MRO: variants seen among roughly 807,000 people sequenced by gnomAD.
MRO encodes protein maestro.
In MRO, 28 loss-of-function variants were observed where a neutral mutation model predicts 31.0. The observed-to-expected ratio is 0.90, with a 90% CI of 0.67 to 1.24. MRO has a LOEUF of 1.24. Ranked by LOEUF, MRO falls within the 50% of genes most tolerant of loss-of-function variation. The pLI is 0.00. For missense variants in MRO, 332 were observed against 289.2 expected, an observed-to-expected ratio of 1.15 and a Z score of -1.07; for synonymous variants, 108 against 108.4, an observed-to-expected ratio of 1.00 and a Z score of 0.02.
At chr18:50,807,434 C>T (rs1914052532) in intron 3 of MRO, among the ~76,000 whole-genome samples, 2 of 152,210 alleles carry the variant, frequency 1.3e-5, no homozygotes, top group South Asian at 4.1e-4. Flanking sequence ...CTTACTCAAC[C>T]TCTCAATAGC....
chr18:50,822,870 G>A (rs940171239), upstream of MRO, among the ~76,000 whole-genome samples: 17 of 152,190 alleles, frequency 1.1e-4, no homozygotes, highest in Admixed American at 1.0e-3. Context: ...TGCTCGGCAG[G>A]TGGGACCAAC....
At chr18:50,815,958 C>T (rs558999386) in intron 2 of MRO, among the ~76,000 whole-genome samples, 53 of 152,132 alleles carry the variant, frequency 3.5e-4, no homozygotes, top group Non-Finnish European at 5.9e-4. Context: ...CGCTTGAACC[C>T]GGGAGGCAGA....
intron 5 of MRO, among the ~76,000 whole-genome samples, chr18:50,803,434 G>A (rs1355804010): frequency 6.6e-6 from 1 of 152,006 alleles, no homozygotes; most frequent in African/African-American, 2.4e-5. Flanking sequence ...TTGAGCCTGG[G>A]AGGTTGAGGC....
At chr18:50,822,337 G>GTTTAT (rs1056036680), upstream of MRO, among the ~76,000 whole-genome samples, 5 of 88,958 alleles carry the variant, frequency 5.6e-5, no homozygotes, top group Admixed American at 4.3e-4. Flanking sequence ...ATCTTTTTTA[G>GTTTAT]TTTATTTTAT....
In MRO at chr18:50,806,552, C is replaced by G. The variant is rs542527015; in HGVS notation, c.246+152G>C. 4 of 910,208 alleles carry G rather than the reference C, an allele frequency of 4.4e-6. No individual in the cohort carries two copies. In the African/African-American group the frequency reaches 6.6e-5, roughly 15 times the overall value. 56.4% of individuals were successfully genotyped at this position (910,208 alleles called of 1,614,324 possible). A position where few individuals can be genotyped will look rare whatever the true frequency, so the allele number is the denominator to read the frequency against. ...CCGCGAAAACCCGAGATAATCAACA[C>G]GTGTTGCTGTAAGCTGCTAAGTGTG... On this transcript the variant is annotated intron_variant, in intron 4 of 7. Coordinates refer to ENST00000398439, the MANE Select transcript of MRO (RefSeq NM_031939.6).
At chr18:50,813,408 G>A (rs768017767) in intron 2 of MRO, among the ~76,000 whole-genome samples, 37 of 152,224 alleles carry the variant, frequency 2.4e-4, no homozygotes, top group Non-Finnish European at 4.4e-4. Context: ...ATTCCCACAG[G>A]CTTCCTCATT....
At chr18:50,807,098 G>A (rs1914019361) in intron 3 of MRO, among the ~76,000 whole-genome samples, 1 of 152,104 alleles carries the variant, frequency 6.6e-6, no homozygotes, top group Non-Finnish European at 1.5e-5. Flanking sequence ...GGAGATTAAG[G>A]GGAGAGGCTC....
At chr18:50,823,811 C>T (rs1194263818), upstream of MRO, 3 of 204,840 alleles carry the variant, frequency 1.5e-5, no homozygotes, top group East Asian at 3.4e-4. Flanking sequence ...TGGGGCTGGA[C>T]ACAGGATTGG....
chr18:50,824,303 A>G (rs1915418828), upstream of MRO, among the ~76,000 whole-genome samples: 1 of 152,166 alleles, frequency 6.6e-6, no homozygotes, highest in East Asian at 1.9e-4. Flanking sequence ...TACCCAGGCA[A>G]GGTGGCATGT....
chr18:50,818,404 T>C (rs1403433213), intron 2 of MRO, among the ~76,000 whole-genome samples: 1 of 152,174 alleles, frequency 6.6e-6, no homozygotes, highest in Non-Finnish European at 1.5e-5. Context: ...CTCTGGAACA[T>C]ACCCCTGAGT....
At chr18:50,815,718 G>A in intron 2 of MRO, 5 of 454,080 alleles carry the variant, frequency 1.1e-5, no homozygotes, top group South Asian at 6.7e-5. Flanking sequence ...TGGTGGATAT[G>A]GTAACAGAAG....
chr18:50,810,454 G>A (rs1021104359), intron 2 of MRO, among the ~76,000 whole-genome samples: 2 of 152,172 alleles, frequency 1.3e-5, no homozygotes, highest in South Asian at 2.1e-4. Context: ...ACATATGTAC[G>A]TATATGCTTG....
At chr18:50,819,857 G>A (rs374325176) in intron 1 of MRO, 40 bp downstream of exon 1, 2 of 1,543,528 alleles carry the variant, frequency 1.3e-6, no homozygotes, top group Non-Finnish European at 1.8e-6. Flanking sequence ...GAATGAAACC[G>A]ACAAGAATAT....
intron 5 of MRO, among the ~76,000 whole-genome samples, chr18:50,803,268 G>A (rs909896542): frequency 1.3e-5 from 2 of 152,134 alleles, no homozygotes; most frequent in African/African-American, 2.4e-5. Context: ...CCAGCCCTTT[G>A]GGAGGCCGAG....
chr18:50,802,710 G>GTT (rs202173545), intron 5 of MRO, among the ~76,000 whole-genome samples: 5 of 150,854 alleles, frequency 3.3e-5, no homozygotes, highest in African/African-American at 1.2e-4. Context: ...TAGGGTTTTT[G>GTT]TTTTTTTTTG....
upstream of MRO, among the ~76,000 whole-genome samples, chr18:50,821,086 A>G (rs1279654214): frequency 3.3e-5 from 5 of 152,246 alleles, no homozygotes; most frequent in South Asian, 1.0e-3. Flanking sequence ...TCTTGCTGCA[A>G]AAGGAAAGCA....
chr18:50,804,501 C>T (rs1476028218), intron 5 of MRO, among the ~76,000 whole-genome samples: 1 of 152,026 alleles, frequency 6.6e-6, no homozygotes, highest in Admixed American at 6.6e-5. Context: ...TGGCATGTGC[C>T]TATAGTCCCA....
chr18:50,813,870 A>C (rs770250352), intron 2 of MRO, among the ~76,000 whole-genome samples: 2 of 152,176 alleles, frequency 1.3e-5, no homozygotes, highest in Non-Finnish European at 2.9e-5. Flanking sequence ...TGAAGATGGA[A>C]AAACTACCTG....
rs1379054030 is a variant in MRO at position 50,806,772 on chromosome 18, G to A, written c.178C>T (p.Pro60Ser). 1 of 1,614,058 alleles carries A rather than the reference G, an allele frequency of 6.2e-7. No homozygotes were observed. The highest frequency in any genetic ancestry group is 1.3e-5 in the African/African-American group (1 of 74,988). ...FFILAERARD[P>S]SAKKRHMAMR... ...GCCATGTGACGCTTTTTAGCACTGGGGTCCCGAGCTCTTTCTGCCAAGATG... is the reference window on the plus strand; with the variant it reads ...GCCATGTGACGCTTTTTAGCACTGGAGTCCCGAGCTCTTTCTGCCAAGATG... The change falls in exon 4 of 8, where the codon CCC becomes TCC. Residue 60 changes from proline to serine, a missense_variant. By Grantham distance (74) the Pro-to-Ser change is moderately conservative. Coordinates refer to ENST00000398439, the MANE Select transcript of MRO (RefSeq NM_031939.6).
Sources: allele counts gnomAD v4.1 joint callset (sites outside exome capture counted in the v4.1 genomes callset), GRCh38; gene constraint gnomAD v4.1.1; transcripts MANE v1.5; gene names NCBI Gene and HGNC (gene_info 2026-07-23, HGNC 2026-07-21).